Variants in DACH2 observed in about 807,000 individuals in gnomAD.
DACH2 encodes the protein dachshund homolog 2.
A neutral mutation model predicts 35.8 loss-of-function variants in DACH2; 17 were observed. That is an observed-to-expected ratio of 0.48 (90% CI 0.33 to 0.71). The LOEUF (loss-of-function observed/expected upper bound fraction) is 0.71. Among genes scored for constraint, DACH2 ranks in the 30% least tolerant of loss-of-function variants. The pLI is 0.02. For synonymous variants in DACH2, 195 were observed against 177.3 expected (o/e 1.10, Z -0.79); for missense variants, 469 against 472.7 (o/e 0.99, Z 0.07).
chrX:86,198,924 C>A (rs1482897977), intron 1 of DACH2, among the ~76,000 whole-genome samples: 2 of 110,616 alleles, frequency 1.8e-5, no homozygotes, highest in Non-Finnish European at 3.8e-5. Context: ...GTGATTCCAG[C>A]ATCATCCTGA....
chrX:86,694,571 GAAGAA>G (rs1395645654), intron 4 of DACH2, among the ~76,000 whole-genome samples: 2 of 112,155 alleles, frequency 1.8e-5, no homozygotes, highest in East Asian at 5.6e-4. Context: ...AGTGACCTGA[GAAGAA>G]AAGATCATTT....
intron 1 of DACH2, among the ~76,000 whole-genome samples, chrX:86,376,547 G>C (rs2035970487): frequency 9.1e-6 from 1 of 110,310 alleles, no homozygotes; most frequent in African/African-American, 3.3e-5. Context: ...TAAACCACAT[G>C]ACATTTCACA....
intron 1 of DACH2, among the ~76,000 whole-genome samples, chrX:86,256,799 A>G (rs1175711123): frequency 1.8e-5 from 2 of 111,717 alleles, no homozygotes; most frequent in African/African-American, 6.5e-5. Flanking sequence ...AGAACTGCCT[A>G]TTTAAGGTAT....
chrX:86,423,735 A>T (rs1334655103), intron 2 of DACH2, among the ~76,000 whole-genome samples: 1 of 110,762 alleles, frequency 9.0e-6, no homozygotes, highest in African/African-American at 3.3e-5. Context: ...AGTTTTGCCC[A>T]AACCAAAGTC....
chrX:86,310,758 C>A (rs1309425983), intron 1 of DACH2, among the ~76,000 whole-genome samples: 1 of 111,228 alleles, frequency 9.0e-6, no homozygotes, highest in Non-Finnish European at 1.9e-5. Context: ...GTGTATGGAC[C>A]TCTCTCAGTG....
At chrX:86,405,575 T>C (rs1258136235) in intron 2 of DACH2, among the ~76,000 whole-genome samples, 1 of 111,420 alleles carries the variant, frequency 9.0e-6, no homozygotes, top group African/African-American at 3.3e-5. Flanking sequence ...TCCCACATCT[T>C]CCTGTTTTCT....
intron 1 of DACH2, among the ~76,000 whole-genome samples, chrX:86,333,288 G>A (rs748280243): frequency 8.9e-6 from 1 of 111,887 alleles, no homozygotes; most frequent in African/African-American, 3.2e-5. Flanking sequence ...TAAAAATCAT[G>A]CACACTTATG....
At chrX:86,167,121 T>G (rs773060047) in intron 1 of DACH2, among the ~76,000 whole-genome samples, 18 of 111,503 alleles carry the variant, frequency 1.6e-4, no homozygotes, top group Non-Finnish European at 2.8e-4. Context: ...CGGAATAGTT[T>G]GAGTAGTATT....
intron 7 of DACH2, among the ~76,000 whole-genome samples, chrX:86,787,421 C>T (rs1921814397): frequency 9.1e-6 from 1 of 110,487 alleles, no homozygotes; most frequent in African/African-American, 3.3e-5. Flanking sequence ...TTGAGACCAG[C>T]CTGGCTAACA....
intron 1 of DACH2, among the ~76,000 whole-genome samples, chrX:86,365,977 C>T (rs1264645014): frequency 9.0e-6 from 1 of 111,175 alleles, no homozygotes. Flanking sequence ...TTATTTGACC[C>T]GATTTTATTA....
At chrX:86,820,479 A>G (rs2042500440) in intron 11 of DACH2, among the ~76,000 whole-genome samples, 1 of 109,470 alleles carries the variant, frequency 9.1e-6, no homozygotes, top group Non-Finnish European at 1.9e-5. Context: ...TTTTTCCTGA[A>G]CCATTTTTGC....
chrX:86,237,021 A>T (rs1041063958), intron 1 of DACH2, among the ~76,000 whole-genome samples: 3 of 112,554 alleles, frequency 2.7e-5, no homozygotes, highest in Non-Finnish European at 5.6e-5. Flanking sequence ...CTTTCTTTAT[A>T]TATTTATTCT....
chrX:86,557,307 T>A (rs1311436253), intron 3 of DACH2, among the ~76,000 whole-genome samples: 2 of 111,388 alleles, frequency 1.8e-5, no homozygotes, highest in Non-Finnish European at 3.8e-5. Flanking sequence ...CACAGTCAAG[T>A]GAACTCATAA....
At chrX:86,581,543 C>A (rs1436309704) in intron 3 of DACH2, among the ~76,000 whole-genome samples, 1 of 109,378 alleles carries the variant, frequency 9.1e-6, no homozygotes, top group African/African-American at 3.3e-5. Context: ...CTCTACCAAG[C>A]AAACAGAAAA....
chrX:86,317,876 C>A (rs373245134), intron 1 of DACH2, among the ~76,000 whole-genome samples: 2 of 111,176 alleles, frequency 1.8e-5, no homozygotes, highest in South Asian at 3.8e-4. Context: ...AGGTTAGGAA[C>A]CCTGTCTACA....
At chrX:86,478,293 G>A (rs924302478) in intron 2 of DACH2, among the ~76,000 whole-genome samples, 3 of 111,618 alleles carry the variant, frequency 2.7e-5, no homozygotes, top group African/African-American at 9.8e-5. Context: ...CAGGTCTGGT[G>A]TTGACGAAAT....
At chrX:86,550,428 T>C (rs2039032855) in intron 3 of DACH2, among the ~76,000 whole-genome samples, 1 of 110,929 alleles carries the variant, frequency 9.0e-6, no homozygotes, top group Admixed American at 9.6e-5. Flanking sequence ...CTTCTAGGAG[T>C]AAACTATTAG....
At chrX:86,438,218 G>GTTTTTTTTT (rs1238511934) in intron 2 of DACH2, among the ~76,000 whole-genome samples, 1 of 97,759 alleles carries the variant, frequency 1.0e-5, no homozygotes, top group Non-Finnish European at 2.0e-5. Context: ...TGATCTCGTA[G>GTTTTTTTTT]GTTTTTTTTT....
At chrX:86,498,973 G>A (rs1046868041) in intron 2 of DACH2, among the ~76,000 whole-genome samples, 1 of 111,680 alleles carries the variant, frequency 9.0e-6, no homozygotes, top group Non-Finnish European at 1.9e-5. Flanking sequence ...TAGCTGCTTT[G>A]TATTTCTTTT....
Sources: gnomAD v4.1 joint callset for allele counts (sites outside exome capture counted in the v4.1 genomes callset) on GRCh38, gnomAD v4.1.1 for gene constraint, MANE v1.5 for transcripts, NCBI Gene and HGNC (gene_info 2026-07-23, HGNC 2026-07-21) for gene names.